The following PTBP3 variants were observed in gnomAD, a reference collection of about 807,000 sequenced individuals.
The protein encoded by PTBP3 is polypyrimidine tract-binding protein 3.
Under a neutral mutation model 58.7 loss-of-function variants are expected in PTBP3, and 20 were observed. The observed-to-expected ratio is 0.34, with a 90% confidence interval of 0.24 to 0.50. The LOEUF is 0.50. Among genes scored for constraint, PTBP3 ranks in the 20% least tolerant of loss-of-function variants. PTBP3 has a pLI of 0.98. For missense variants in PTBP3, 509 were observed against 637.2 expected (o/e 0.80, Z 2.17); for synonymous variants, 185 against 219.8 (o/e 0.84, Z 1.40).
chr9:112,277,946 T>C (rs28485193), intron 2 of PTBP3, among the ~76,000 whole-genome samples: 2,523 of 57,140 alleles, frequency 0.044, 39 homozygotes, highest in East Asian at 0.17. Flanking sequence ...CATAACATAA[T>C]ATAACATAAC....
At chr9:112,248,844 C>G (rs1043892551) in intron 7 of PTBP3, among the ~76,000 whole-genome samples, 1 of 152,110 alleles carries the variant, frequency 6.6e-6, no homozygotes, top group African/African-American at 2.4e-5. Flanking sequence ...CAAACTAAAA[C>G]AACCAAACTA....
chr9:112,323,788 A>C (rs1302304553), intron 1 of PTBP3, among the ~76,000 whole-genome samples: 3 of 152,206 alleles, frequency 2.0e-5, no homozygotes, highest in Non-Finnish European at 4.4e-5. Context: ...TGTAACACAG[A>C]AGTAACTGAA....
At chr9:112,287,168 G>A (rs1173580997) in intron 2 of PTBP3, among the ~76,000 whole-genome samples, 4 of 122,288 alleles carry the variant, frequency 3.3e-5, no homozygotes, top group Non-Finnish European at 6.6e-5. Flanking sequence ...TTCTTGATAA[G>A]TGGGTTTATG....
Position 112,275,883 on chromosome 9 carries a change from G to C in PTBP3, c.165C>G (p.Gly55=). 1 of 1,613,454 alleles carries C rather than the reference G, an allele frequency of 6.2e-7. No individual in the cohort carries two copies. The highest frequency in any genetic ancestry group is 1.1e-5 in the South Asian group (1 of 90,990). The change falls in exon 3 of 14, where the codon GGC becomes GGG. Residue 55 remains glycine, a synonymous_variant. Coordinates refer to ENST00000374257, the MANE Select transcript of PTBP3 (RefSeq NM_001163788.4). The stretch of plus-strand genomic sequence containing the variant: ...TCAACATCAAAAGATTAGTTACTTT[G>C]CCAAATGGTAGACCTAATGATATGA... ...AEIISLGLPF[G]KVTNLLMLKG... is the part of the protein sequence containing the mutation.
the PTBP3 span, among the ~76,000 whole-genome samples, chr9:112,349,659 G>T: frequency 3.3e-5 from 5 of 151,960 alleles, no homozygotes; most frequent in South Asian, 1.0e-3. Flanking sequence ...AGGAGTTCAG[G>T]ACCAGCCTGG....
chr9:112,317,721 G>A (rs1049454936), intron 1 of PTBP3, among the ~76,000 whole-genome samples: 1 of 152,106 alleles, frequency 6.6e-6, no homozygotes, highest in Admixed American at 6.6e-5. Context: ...GGCCAAGGTG[G>A]GTGGATCACG....
At chr9:112,327,666 A>G (rs1485575155) in intron 1 of PTBP3, among the ~76,000 whole-genome samples, 1 of 152,218 alleles carries the variant, frequency 6.6e-6, no homozygotes, top group African/African-American at 2.4e-5. Flanking sequence ...ACCACAAATA[A>G]CATCCAAGGT....
chr9:112,350,743 G>A, the PTBP3 span, among the ~76,000 whole-genome samples: 1 of 152,084 alleles, frequency 6.6e-6, no homozygotes, highest in East Asian at 1.9e-4. Context: ...TAGGTCAGAA[G>A]CTCAGAAATA....
chr9:112,244,954 G>A (rs983893329), intron 7 of PTBP3, among the ~76,000 whole-genome samples: 1 of 152,064 alleles, frequency 6.6e-6, no homozygotes, highest in Non-Finnish European at 1.5e-5. Flanking sequence ...TCAAACTTCT[G>A]GTAATGACAA....
chr9:112,313,826 A>G (rs759731617), intron 1 of PTBP3, among the ~76,000 whole-genome samples: 35 of 152,218 alleles, frequency 2.3e-4, no homozygotes, highest in Non-Finnish European at 4.4e-4. Flanking sequence ...TCTTAAACAT[A>G]GATAGATTAA....
chr9:112,305,400 G>A (rs1829140218), intron 1 of PTBP3, among the ~76,000 whole-genome samples: 1 of 151,986 alleles, frequency 6.6e-6, no homozygotes, highest in Non-Finnish European at 1.5e-5. Flanking sequence ...AAACTAGACT[G>A]AAATCAGCCT....
intron 2 of PTBP3, among the ~76,000 whole-genome samples, chr9:112,278,070 C>A (rs1827703546): frequency 6.6e-6 from 1 of 152,072 alleles, no homozygotes; most frequent in African/African-American, 2.4e-5. Flanking sequence ...CATTTCACTT[C>A]TAACTTTCAA....
the PTBP3 span, among the ~76,000 whole-genome samples, chr9:112,363,409 C>G: frequency 6.6e-6 from 1 of 151,744 alleles, no homozygotes; most frequent in African/African-American, 2.4e-5. Context: ...GTCCCAGTTA[C>G]TCGGGAGGCT....
chr9:112,220,618 G>A lies in PTBP3; in HGVS notation c.*3233C>T. ...CAATATTTAGTCTTAAAGAATTTAT[G>A]GCATTCTGTAAGAGCTGCTGGGTAA... On this transcript the variant is annotated 3_prime_UTR_variant, in exon 14 of 14. Transcript: ENST00000374257. The A allele has an allele frequency of 1.7e-5, 17 of 994,092 alleles. No homozygotes were observed. Among genetic ancestry groups the A allele is most frequent in the Non-Finnish European group, 2.0e-5 (17 of 834,704 alleles). The allele number at this position is 994,092 out of a possible 1,614,324, so 61.6% of individuals were successfully genotyped here.
intron 1 of PTBP3, among the ~76,000 whole-genome samples, chr9:112,309,766 C>T (rs1028994324): frequency 4.1e-5 from 6 of 146,520 alleles, no homozygotes; most frequent in African/African-American, 1.3e-4. Context: ...CCAGCCTGGG[C>T]GACAGAGAGA....
At chr9:112,251,303 T>C (rs1406696652) in intron 6 of PTBP3, among the ~76,000 whole-genome samples, 200 bp from the exon 7 acceptor site, 3 of 152,212 alleles carry the variant, frequency 2.0e-5, no homozygotes, top group Non-Finnish European at 4.4e-5. Context: ...GTCTCAGCTT[T>C]CATCTGTAAA....
chr9:112,297,801 A>G, intron 2 of PTBP3, 31 bp downstream of exon 2: 1 of 1,449,150 alleles, frequency 6.9e-7, no homozygotes, highest in South Asian at 1.3e-5. Flanking sequence ...ACCCACAGAA[A>G]TCAAATATTA....
chr9:112,266,760 T>A (rs1836816847), intron 4 of PTBP3, among the ~76,000 whole-genome samples: 1 of 152,220 alleles, frequency 6.6e-6, no homozygotes, highest in Admixed American at 6.5e-5. Flanking sequence ...GACATCTGAA[T>A]ACACACCGAA....
chr9:112,359,022 G>C, the PTBP3 span, among the ~76,000 whole-genome samples: 8 of 152,270 alleles, frequency 5.3e-5, no homozygotes, highest in Non-Finnish European at 8.8e-5. Context: ...ATTTTTTGTA[G>C]AGACAGTCTC....
Sources: gnomAD v4.1 joint callset for allele counts (sites outside exome capture counted in the v4.1 genomes callset) on GRCh38, gnomAD v4.1.1 for gene constraint, MANE v1.5 for transcripts, NCBI Gene and HGNC (gene_info 2026-07-23, HGNC 2026-07-21) for gene names.